Variants in POLE2 observed in about 807,000 individuals in gnomAD.
POLE2 encodes DNA polymerase epsilon 2, accessory subunit.
POLE2 carries 56 observed loss-of-function variants against 79.4 expected under a neutral mutation model. That is an observed-to-expected ratio of 0.71 (90% CI 0.57 to 0.88). The LOEUF is 0.88. Among genes scored for constraint, POLE2 ranks in the 40% least tolerant of loss-of-function variants. The pLI is 0.00. For synonymous variants in POLE2, 212 were observed against 214.0 expected, an observed-to-expected ratio of 0.99 and a Z score of 0.08; for missense variants, 598 against 638.9, an observed-to-expected ratio of 0.94 and a Z score of 0.69.
intron 9 of POLE2, 51 bp downstream of exon 9, chr14:49,664,575 A>C (rs1885339554): frequency 8.8e-7 from 1 of 1,130,946 alleles, no homozygotes; most frequent in Non-Finnish European, 1.3e-6. Context: ...CAAAGCAGAA[A>C]GTTTTACTGG....
Position 49,651,276 on chromosome 14 carries a change from G to A in POLE2, c.1313C>T (p.Pro438Leu). 1.3e-6 allele frequency: 2 copies of A among 1,541,110 alleles called. No homozygotes were observed. Among genetic ancestry groups the A allele is most frequent in the South Asian group, 1.1e-5 (1 of 88,734 alleles). The change falls in exon 16 of 19, where the codon CCT becomes CTT. Residue 438 changes from proline to leucine, a missense_variant. Physicochemically the swap from Pro to Leu is moderately conservative, Grantham distance 98. Coordinates refer to ENST00000216367, the MANE Select transcript of POLE2 (RefSeq NM_002692.4). ...VRFPSSNLAI[P>L]NHFVKTILSQ... ...AAAAGTTGTTTCACTTACGTGATTA[G>A]GAATAGCCAAATTGCTGCTAGGAAA...
chr14:49,655,880 C>G, intron 10 of POLE2, 37 bp from the exon 11 acceptor site: 6 of 1,041,566 alleles, frequency 5.8e-6, no homozygotes, highest in Non-Finnish European at 8.6e-6. Flanking sequence ...CTATATACCA[C>G]TAGAGATATT....
chr14:49,645,412 CAAG>C (rs1356797471), intron 18 of POLE2, among the ~76,000 whole-genome samples: 1 of 152,196 alleles, frequency 6.6e-6, no homozygotes, highest in Non-Finnish European at 1.5e-5. Flanking sequence ...AACTAAGTGG[CAAG>C]AAGGCCAGAT....
intron 17 of POLE2, 186 bp downstream of exon 17, chr14:49,650,079 C>A: frequency 2.8e-6 from 1 of 351,310 alleles, no homozygotes; most frequent in African/African-American, 2.1e-5. Flanking sequence ...ACTTTATAGT[C>A]ACTATACTGA....
intron 17 of POLE2, among the ~76,000 whole-genome samples, chr14:49,649,929 T>C (rs1884085096): frequency 6.6e-6 from 1 of 152,208 alleles, no homozygotes; most frequent in Admixed American, 6.5e-5. Context: ...AAAGGACAAG[T>C]ACCACCAATA....
At chr14:49,675,035 G>C (rs953622393) in intron 3 of POLE2, among the ~76,000 whole-genome samples, 5 of 151,652 alleles carry the variant, frequency 3.3e-5, no homozygotes, top group Non-Finnish European at 7.4e-5. Flanking sequence ...ATAAACAATA[G>C]TCACATCTTA....
intron 10 of POLE2, among the ~76,000 whole-genome samples, chr14:49,657,277 ATAT>A (rs1425830380): frequency 1.3e-5 from 2 of 152,216 alleles, no homozygotes; most frequent in Admixed American, 1.3e-4. Context: ...TGTTGATAGC[ATAT>A]TATTAGATGA....
chr14:49,672,202 T>C (rs1885945000), intron 5 of POLE2, among the ~76,000 whole-genome samples: 1 of 152,204 alleles, frequency 6.6e-6, no homozygotes, highest in Admixed American at 6.5e-5. Flanking sequence ...TTAGGCCAAT[T>C]ATGTGTGAGA....
chr14:49,670,394 G>A (rs977764926), intron 5 of POLE2, among the ~76,000 whole-genome samples: 1 of 150,288 alleles, frequency 6.7e-6, no homozygotes, highest in African/African-American at 2.5e-5. Flanking sequence ...AGGAAGCTAT[G>A]CAAAGTTTAA....
In POLE2 at chr14:49,650,291, T is replaced by G. The variant is rs779000974; in HGVS notation, c.1471A>C (p.Asn491His). 12 of 1,604,330 alleles carry G rather than the reference T, an allele frequency of 7.5e-6. No homozygotes were observed. The African/African-American group carries it at 1.2e-4, about 16-fold the overall frequency. Residue 491 changes from asparagine to histidine, a missense_variant, in exon 17 of 19, where the codon AAT becomes CAT. Coordinates refer to ENST00000216367, the MANE Select transcript of POLE2 (RefSeq NM_002692.4). ...GGGTTTATGCAGAGGCATTCGGTAT[T>G]TGTCGTAGTGAAAGGATCATATTTG... ...ADKYDPFTTT[N>H]TECLCINPGS...
intron 18 of POLE2, among the ~76,000 whole-genome samples, chr14:49,644,518 A>G (rs1209130421): frequency 1.3e-5 from 2 of 151,768 alleles, no homozygotes; most frequent in East Asian, 3.9e-4. Context: ...CTCCAAAAAA[A>G]AAAAAAGTAT....
rs117013557 is a variant in POLE2, at chr14:49,676,971, G to A, written c.246-2544C>T. Among the ~76,000 whole-genome samples, 108 of 152,370 alleles carry A rather than the reference G, an allele frequency of 7.1e-4. 2 individuals are homozygous for A. In the East Asian group the frequency reaches 0.018, roughly 25 times the overall value. ...GCCTCAGACAGTCCTTGAGGAGGAT[G>A]ACTGAGACATCATGGGCCATGCACT... is the stretch of plus-strand genomic sequence containing the variant. On this transcript the variant is annotated intron_variant, in intron 3 of 18. Coordinates refer to ENST00000216367, the MANE Select transcript of POLE2 (RefSeq NM_002692.4).
intron 13 of POLE2, 45 bp downstream of exon 13, chr14:49,654,739 T>C: frequency 1.4e-6 from 2 of 1,473,718 alleles, no homozygotes; most frequent in African/African-American, 1.5e-5. Context: ...TTGTTTTTTT[T>C]TTAAGTAAAA....
At chr14:49,676,412 T>C (rs1197470310) in intron 3 of POLE2, among the ~76,000 whole-genome samples, 1 of 152,194 alleles carries the variant, frequency 6.6e-6, no homozygotes, top group Non-Finnish European at 1.5e-5. Context: ...CAGACACTGC[T>C]CCACTATTTT....
intron 6 of POLE2, among the ~76,000 whole-genome samples, chr14:49,668,408 T>C (rs925358721): frequency 2.0e-5 from 3 of 148,604 alleles, no homozygotes; most frequent in Admixed American, 1.3e-4. Context: ...AGGCCAGGAG[T>C]TCAAGACCAG....
At chr14:49,647,557 G>A (rs138951310) in intron 17 of POLE2, among the ~76,000 whole-genome samples, 197 bp from the exon 18 acceptor site, 3 of 151,756 alleles carry the variant, frequency 2.0e-5, no homozygotes, top group Non-Finnish European at 4.4e-5. Flanking sequence ...GGATTCAAGC[G>A]ATCTTCCCAT....
intron 10 of POLE2, among the ~76,000 whole-genome samples, chr14:49,662,038 A>C (rs1157525744): frequency 6.6e-6 from 1 of 152,250 alleles, no homozygotes; most frequent in Non-Finnish European, 1.5e-5. Flanking sequence ...AAATACCATG[A>C]CAATGGCAAT....
intron 1 of POLE2, among the ~76,000 whole-genome samples, chr14:49,686,397 G>A (rs776260123): frequency 9.8e-5 from 15 of 152,324 alleles, no homozygotes; most frequent in Non-Finnish European, 1.6e-4. Context: ...ATAGCCTCCA[G>A]CCAACAGCCT....
intron 1 of POLE2, among the ~76,000 whole-genome samples, chr14:49,686,067 G>A (rs866128741): frequency 2.0e-5 from 3 of 152,068 alleles, no homozygotes; most frequent in Non-Finnish European, 4.4e-5. Flanking sequence ...AGATTAAATA[G>A]CTGTAAAATA....
Sources: gnomAD v4.1 joint callset for allele counts (sites outside exome capture counted in the v4.1 genomes callset) on GRCh38, gnomAD v4.1.1 for gene constraint, MANE v1.5 for transcripts, NCBI Gene and HGNC (gene_info 2026-07-23, HGNC 2026-07-21) for gene names.